SYCP1: variants seen among roughly 807,000 people sequenced by gnomAD.
SYCP1 encodes the protein synaptonemal complex protein 1.
A neutral mutation model predicts 153.1 loss-of-function variants in SYCP1; 64 were observed. The observed-to-expected ratio is 0.42, with a 90% CI of 0.34 to 0.51. The LOEUF is 0.51. Ranked by LOEUF, SYCP1 falls within the 20% of genes least tolerant of loss-of-function variation. The probability of loss-of-function intolerance (pLI) is 0.06; values close to 1 mark genes in which losing one functional copy is unlikely to be tolerated. For missense variants in SYCP1, 997 were observed against 1,049.0 expected (o/e 0.95, Z 0.68); for synonymous variants, 384 against 341.8 (o/e 1.12, Z -1.36).
chr1:114,872,133 A>C (rs957153552), intron 8 of SYCP1, among the ~76,000 whole-genome samples: 1 of 151,334 alleles, frequency 6.6e-6, no homozygotes, highest in Non-Finnish European at 1.5e-5. Flanking sequence ...TGAGCCACTG[A>C]GACCAGCTGT....
At chr1:114,968,217 G>A (rs373489788) in intron 27 of SYCP1, among the ~76,000 whole-genome samples, 1 of 152,194 alleles carries the variant, frequency 6.6e-6, no homozygotes, top group African/African-American at 2.4e-5. Flanking sequence ...GAATTTGAAT[G>A]TTGGCCTGTC....
chr1:114,861,204 A>G (rs1461008427), intron 8 of SYCP1, among the ~76,000 whole-genome samples: 1 of 152,134 alleles, frequency 6.6e-6, no homozygotes, highest in African/African-American at 2.4e-5. Context: ...TGCAATGTTT[A>G]TTTTCAATCT....
intron 15 of SYCP1, among the ~76,000 whole-genome samples, chr1:114,889,677 C>A (rs774270999): frequency 6.6e-6 from 1 of 152,104 alleles, no homozygotes; most frequent in Non-Finnish European, 1.5e-5. Context: ...ATGGTAGTTT[C>A]TTTTGCTGTG....
chr1:114,916,137 A>G (rs1279383195), intron 20 of SYCP1, among the ~76,000 whole-genome samples: 3 of 152,112 alleles, frequency 2.0e-5, no homozygotes, highest in African/African-American at 4.8e-5. Flanking sequence ...ATAATTTTGT[A>G]TGTGGTTTTT....
intron 14 of SYCP1, 113 bp from the exon 15 acceptor site, chr1:114,887,513 C>T: frequency 7.4e-6 from 4 of 538,404 alleles, no homozygotes; most frequent in South Asian, 3.8e-5. Context: ...TTTAACAATC[C>T]AGTGGGTGAA....
intron 30 of SYCP1, among the ~76,000 whole-genome samples, chr1:114,993,116 CTCATGATGAATAATCAATTA>C (rs1674036582): frequency 6.6e-6 from 1 of 151,400 alleles, no homozygotes; most frequent in African/African-American, 2.4e-5. Context: ...TATATGGAGA[CTCATGATGAATAATCAATTA>C]CCTTGCACTA....
intron 27 of SYCP1, among the ~76,000 whole-genome samples, chr1:114,972,935 C>T (rs1672585576): frequency 6.6e-6 from 1 of 152,054 alleles, no homozygotes; most frequent in Non-Finnish European, 1.5e-5. Flanking sequence ...CAGATTAAGT[C>T]CAGTGTTTCG....
chr1:114,916,921 A>G (rs373681177), intron 20 of SYCP1, among the ~76,000 whole-genome samples: 1 of 152,100 alleles, frequency 6.6e-6, no homozygotes, highest in Non-Finnish European at 1.5e-5. Context: ...ACATTTTGAT[A>G]CAGGCATACA....
intron 23 of SYCP1, among the ~76,000 whole-genome samples, chr1:114,941,586 T>C (rs1670392559): frequency 6.6e-6 from 1 of 152,112 alleles, no homozygotes; most frequent in Non-Finnish European, 1.5e-5. Flanking sequence ...CTCTTATGTC[T>C]TACTTATATG....
At chr1:114,922,475 C>T (rs552192753) in intron 20 of SYCP1, among the ~76,000 whole-genome samples, 1 of 152,204 alleles carries the variant, frequency 6.6e-6, no homozygotes, top group South Asian at 2.1e-4. Flanking sequence ...TGGTAGAAAG[C>T]AAAGGAGGCA....
intron 15 of SYCP1, among the ~76,000 whole-genome samples, chr1:114,891,363 C>T (rs779476571): frequency 1.3e-5 from 2 of 152,180 alleles, no homozygotes; most frequent in South Asian, 2.1e-4. Flanking sequence ...ACCTTTTGCT[C>T]ATTTTCTACA....
In SYCP1 at chr1:114,855,548, G is replaced by T; in HGVS notation, c.84G>T (p.Leu28=). 6.2e-7 allele frequency: 1 copy of T among 1,608,056 alleles called. No individual in the cohort carries two copies. The highest frequency in any genetic ancestry group is 8.5e-7 in the Non-Finnish European group (1 of 1,176,614). ...TGTCTGCGGTGAAACCTCAGACCCTGGGAGGCGATTCCACTTTCTTCAAGG... is the reference window on the plus strand; with the variant it reads ...TGTCTGCGGTGAAACCTCAGACCCTTGGAGGCGATTCCACTTTCTTCAAGG... ...SQVSAVKPQT[L]GGDSTFFKSF... Residue 28 remains leucine, a synonymous_variant, in exon 2 of 32, where the codon CTG becomes CTT. Coordinates refer to ENST00000369522, the MANE Select transcript of SYCP1 (RefSeq NM_003176.4).
rs748126127 is a variant in SYCP1, at chr1:114,913,948, T to C, written c.1648-27T>C. ...TTTTATTTTTGTTTAAACAAAATAA[T>C]TGATATAAACAACATTATTTCTTTA... On this transcript the variant is annotated intron_variant, in intron 19 of 31. Transcript: ENST00000369522. The C allele has an allele frequency of 6.9e-6, 10 of 1,454,034 alleles. No homozygotes were observed. The South Asian group carries it at 1.4e-4, about 20-fold the overall frequency. The allele number at this position is 1,454,034 out of a possible 1,614,324, so 90.1% of individuals were successfully genotyped here.
intron 15 of SYCP1, among the ~76,000 whole-genome samples, chr1:114,889,188 T>C (rs1415110913): frequency 6.6e-6 from 1 of 152,180 alleles, no homozygotes; most frequent in Non-Finnish European, 1.5e-5. Context: ...GTCTTTATAG[T>C]AGCATGATTT....
intron 12 of SYCP1, among the ~76,000 whole-genome samples, chr1:114,878,705 G>A (rs916560500): frequency 2.0e-5 from 3 of 152,122 alleles, no homozygotes; most frequent in African/African-American, 7.2e-5. Context: ...CACCACGCCT[G>A]GCTAATTTTT....
intron 30 of SYCP1, among the ~76,000 whole-genome samples, chr1:114,992,826 A>G (rs545868334): frequency 6.6e-6 from 1 of 151,768 alleles, no homozygotes; most frequent in South Asian, 2.1e-4. Context: ...AAAGGAGACT[A>G]TCAAGAAAGT....
intron 28 of SYCP1, 43 bp downstream of exon 28, chr1:114,977,659 T>G (rs2101935442): frequency 8.1e-7 from 1 of 1,228,098 alleles, no homozygotes; most frequent in Non-Finnish European, 1.1e-6. Flanking sequence ...ACCAATTCAT[T>G]TTCTAACTTC....
At chr1:114,910,361 G>A (rs1467482303) in intron 16 of SYCP1, 36 bp from the exon 17 acceptor site, 4 of 1,431,590 alleles carry the variant, frequency 2.8e-6, no homozygotes, top group Non-Finnish European at 3.9e-6. Context: ...TATGTGTATG[G>A]TTTGGCATTC....
chr1:114,932,775 G>T (rs527715588), intron 23 of SYCP1, among the ~76,000 whole-genome samples: 2 of 152,372 alleles, frequency 1.3e-5, no homozygotes, highest in South Asian at 2.1e-4. Flanking sequence ...GGCTGGGAGG[G>T]TCCCACGCCC....
Sources: gnomAD v4.1 joint callset for allele counts (sites outside exome capture counted in the v4.1 genomes callset) on GRCh38, gnomAD v4.1.1 for gene constraint, MANE v1.5 for transcripts, NCBI Gene and HGNC (gene_info 2026-07-23, HGNC 2026-07-21) for gene names.